VPS35L: variants seen among roughly 807,000 people sequenced by gnomAD.
VPS35L encodes VPS35 endosomal protein sorting factor like, also known as VPS35 endosomal protein-sorting factor-like.
A neutral mutation model predicts 133.0 loss-of-function variants in VPS35L; 83 were observed. That is an observed-to-expected ratio of 0.62 (90% confidence interval 0.52 to 0.75). The LOEUF (loss-of-function observed/expected upper bound fraction) is 0.75, where lower values mean the gene tolerates loss of function less well. Ranked by LOEUF, VPS35L falls within the 30% of genes least tolerant of loss-of-function variation. The pLI, the probability that VPS35L is intolerant of heterozygous loss-of-function variation, is 0.00. For missense variants in VPS35L, 1,083 were observed against 1,206.8 expected (o/e 0.90, Z 1.52); for synonymous variants, 423 against 449.9 (o/e 0.94, Z 0.76).
At chr16:19,686,226 G>T (rs1216359440) in intron 28 of VPS35L, among the ~76,000 whole-genome samples, 1 of 152,148 alleles carries the variant, frequency 6.6e-6, no homozygotes, top group African/African-American at 2.4e-5. Flanking sequence ...TCATTCTAGG[G>T]AGGCTTTTAG....
At chr16:19,593,446 G>A (rs1972105451) in intron 8 of VPS35L, among the ~76,000 whole-genome samples, 1 of 152,192 alleles carries the variant, frequency 6.6e-6, no homozygotes, top group Admixed American at 6.5e-5. Flanking sequence ...ATTCATTTCT[G>A]TGCATCCCAG....
Position 19,637,624 on chromosome 16 carries a change from C to T in VPS35L, c.1666C>T (p.His556Tyr), listed in dbSNP as rs1467459628. Reference sequence around the variant, plus strand: ...GTTAATAATTAAGAAAGTTATTGCCCACTTCCATGACTTCTCAGTTCTTTT... The same window carrying T: ...GTTAATAATTAAGAAAGTTATTGCCTACTTCCATGACTTCTCAGTTCTTTT... ...LQLIIKKVIAHFHDFSVLFSV... is the reference protein window; with the variant it reads ...LQLIIKKVIAYFHDFSVLFSV... Residue 556 changes from histidine to tyrosine, a missense_variant, in exon 20 of 31, where the codon CAC (histidine) becomes TAC (tyrosine). Transcript: ENST00000417362. 14 of 1,572,376 alleles carry T rather than the reference C, an allele frequency of 8.9e-6. No individual in the cohort carries two copies. Among genetic ancestry groups the T allele is most frequent in the South Asian group, 1.2e-5 (1 of 83,778 alleles).
At chr16:19,578,487 C>T (rs1328226496) in intron 5 of VPS35L, 2 of 360,868 alleles carry the variant, frequency 5.5e-6, no homozygotes, top group Non-Finnish European at 1.1e-5. Context: ...TTGTGGCTGG[C>T]CTGTGGCCTG....
intron 27 of VPS35L, 59 bp downstream of exon 27, chr16:19,669,358 A>G (rs1461135150): frequency 1.1e-5 from 17 of 1,532,946 alleles, no homozygotes; most frequent in Non-Finnish European, 1.5e-5. Context: ...TTATAATATT[A>G]TATGTGTTCT....
chr16:19,668,912 G>C lies in VPS35L; in HGVS notation c.2222-248G>C, dbSNP rs571010289. Among the ~76,000 whole-genome samples the C allele has an allele frequency of 5.3e-5, 8 of 152,254 alleles. 1 individual carries two copies. The highest frequency in any genetic ancestry group is 1.7e-4 in the African/African-American group (7 of 41,542). On this transcript the variant is annotated intron_variant, in intron 26 of 30. Coordinates refer to ENST00000417362, the MANE Select transcript of VPS35L (RefSeq NM_020314.7). ...TTCTAGACTTTTTACAAAAATTTGC[G>C]ACCTGCTTTTTTCACTTAATAATCT...
At chr16:19,700,325 G>A in intron 30 of VPS35L, 53 bp from the exon 31 acceptor site, 1 of 1,501,188 alleles carries the variant, frequency 6.7e-7, no homozygotes, top group South Asian at 1.1e-5. Flanking sequence ...TAGAGCCTTG[G>A]GCTCCAAGGA....
intron 15 of VPS35L, among the ~76,000 whole-genome samples, chr16:19,626,513 G>A (rs934779219): frequency 6.6e-6 from 1 of 152,188 alleles, no homozygotes; most frequent in Non-Finnish European, 1.5e-5. Context: ...TGTAATCCCA[G>A]CATTTTGGGA....
intron 5 of VPS35L, among the ~76,000 whole-genome samples, chr16:19,576,145 G>A (rs1971527978): frequency 7.2e-6 from 1 of 139,020 alleles, no homozygotes; most frequent in Non-Finnish European, 1.5e-5. Flanking sequence ...CATTCTGGGT[G>A]ACAGAGCGAG....
At chr16:19,668,704 G>A (rs1264672086) in intron 26 of VPS35L, among the ~76,000 whole-genome samples, 1 of 152,030 alleles carries the variant, frequency 6.6e-6, no homozygotes, top group Non-Finnish European at 1.5e-5. Context: ...GGTTTGAGCT[G>A]CAGCTCTACT....
rs1483729480 is a variant in VPS35L, at chr16:19,627,810, G to A, written c.1383+5G>A. ...GATGAATCTGGTTTCCCCAAGGTAG[G>A]CTCTTGACTTCATGCTCAGTAGGAC... is the stretch of plus-strand genomic sequence containing the variant. On this transcript the variant is annotated splice_donor_5th_base_variant and intron_variant, in intron 16 of 30. Coordinates refer to ENST00000417362, the MANE Select transcript of VPS35L (RefSeq NM_020314.7). 6.3e-7 allele frequency: 1 copy of A among 1,586,808 alleles called. No individual in the cohort carries two copies. Among genetic ancestry groups the A allele is most frequent in the Non-Finnish European group, 8.7e-7 (1 of 1,155,212 alleles).
intron 6 of VPS35L, among the ~76,000 whole-genome samples, chr16:19,580,096 A>G (rs1187502666): frequency 3.3e-5 from 5 of 151,712 alleles, no homozygotes; most frequent in Admixed American, 3.3e-4. Flanking sequence ...GCTACTCAGG[A>G]GGCTGAAGTA....
chr16:19,655,602 G>C lies in VPS35L; in HGVS notation c.2221+3512G>C, dbSNP rs1032809462. Among the ~76,000 whole-genome samples, 8 of 152,200 alleles carry C rather than the reference G, an allele frequency of 5.3e-5. No individual in the cohort carries two copies. The East Asian group carries it at 1.5e-3, about 29-fold the overall frequency. ...TCCTGTTGAACCCTCAGGCAGGCTG[G>C]CGCAGGATGCTGATGAGGGCTTGTT... On this transcript the variant is annotated intron_variant, in intron 26 of 30. Transcript: ENST00000417362.
intron 4 of VPS35L, among the ~76,000 whole-genome samples, chr16:19,573,780 T>C (rs1414981580): frequency 6.6e-6 from 1 of 152,078 alleles, no homozygotes; most frequent in Non-Finnish European, 1.5e-5. Flanking sequence ...GCCACTGCAC[T>C]CCAGCCTTGG....
chr16:19,579,278 G>A (rs545741564), intron 6 of VPS35L, 150 bp downstream of exon 6: 1 of 689,994 alleles, frequency 1.4e-6, no homozygotes, highest in African/African-American at 1.8e-5. Flanking sequence ...TCCAGGGAAG[G>A]GTGCCAGTGT....
chr16:19,603,890 C>A (rs1972463970), intron 9 of VPS35L, among the ~76,000 whole-genome samples: 1 of 152,128 alleles, frequency 6.6e-6, no homozygotes, highest in Non-Finnish European at 1.5e-5. Flanking sequence ...CACCACCACA[C>A]CCAGCTAATT....
chr16:19,689,404 G>A (rs568675466), intron 28 of VPS35L, among the ~76,000 whole-genome samples: 25 of 151,284 alleles, frequency 1.7e-4, no homozygotes, highest in East Asian at 3.9e-4. Flanking sequence ...CCAAGTAGCC[G>A]GGACTACAAG....
At chr16:19,560,037 T>C (rs1970979011) in intron 1 of VPS35L, among the ~76,000 whole-genome samples, 1 of 151,984 alleles carries the variant, frequency 6.6e-6, no homozygotes, top group Non-Finnish European at 1.5e-5. Flanking sequence ...TCCCCCTTTT[T>C]AAAAAAAATA....
chr16:19,596,607 C>T (rs1304779643), intron 8 of VPS35L, among the ~76,000 whole-genome samples: 1 of 151,690 alleles, frequency 6.6e-6, no homozygotes, highest in Admixed American at 6.6e-5. Flanking sequence ...AACAGTTTCA[C>T]CTCTGGGAAT....
chr16:19,640,532 G>A (rs1402753215), intron 21 of VPS35L, among the ~76,000 whole-genome samples: 2 of 152,146 alleles, frequency 1.3e-5, no homozygotes, highest in Admixed American at 6.5e-5. Context: ...ACATACTTAC[G>A]AAGAAGGCAC....
Sources: allele counts gnomAD v4.1 joint callset (sites outside exome capture counted in the v4.1 genomes callset), GRCh38; gene constraint gnomAD v4.1.1; transcripts MANE v1.5; gene names NCBI Gene and HGNC (gene_info 2026-07-23, HGNC 2026-07-21).